NHS: variants seen among roughly 807,000 people sequenced by gnomAD.
NHS encodes NHS actin remodeling regulator.
In NHS, 5 loss-of-function variants were observed where a neutral mutation model predicts 72.5. That is an observed-to-expected ratio of 0.07 (90% CI 0.04 to 0.14). NHS has a LOEUF of 0.14. Among genes scored for constraint, NHS ranks in the 10% least tolerant of loss-of-function variants. NHS has a pLI of 1.00. For missense variants in NHS, 1,072 were observed against 1,355.7 expected, an observed-to-expected ratio of 0.79 and a Z score of 3.29; for synonymous variants, 464 against 547.7, an observed-to-expected ratio of 0.85 and a Z score of 2.13.
rs147821287 is a variant in NHS, at chrX:17,401,124, A to G, written c.565+24802A>G. Among the ~76,000 whole-genome samples, 762 of 112,162 alleles carry G rather than the reference A, an allele frequency of 6.8e-3. 2 individuals are homozygous for G. The highest frequency in any genetic ancestry group is 0.014 in the Middle Eastern group (3 of 218). ...GTTGATTATCGATAAGGGTGCCAAGACAATTCAATGGGGGGAAACAATAGT... is the reference window on the plus strand; with the variant it reads ...GTTGATTATCGATAAGGGTGCCAAGGCAATTCAATGGGGGGAAACAATAGT... On this transcript the variant is annotated intron_variant, in intron 1 of 8. Coordinates refer to ENST00000676302, the MANE Select transcript of NHS (RefSeq NM_001291867.2).
chrX:17,537,744 T>C (rs1444699419), intron 1 of NHS, among the ~76,000 whole-genome samples: 1 of 111,819 alleles, frequency 8.9e-6, no homozygotes, highest in Non-Finnish European at 1.9e-5. Flanking sequence ...GAGTGGGGAC[T>C]GTCCTGCTCA....
chrX:17,663,391 C>G (rs145922833), intron 1 of NHS, among the ~76,000 whole-genome samples: 2 of 111,732 alleles, frequency 1.8e-5, no homozygotes, highest in African/African-American at 6.5e-5. Context: ...TTTCCAGTCT[C>G]TCTCCCACAC....
chrX:17,651,145 G>A (rs1408748219), intron 1 of NHS, among the ~76,000 whole-genome samples: 1 of 112,323 alleles, frequency 8.9e-6, no homozygotes, highest in Non-Finnish European at 1.9e-5. Flanking sequence ...GGCTCTTGCT[G>A]GAGAATTGGT....
chrX:17,667,175 AATATTT>A (rs2066018041), intron 1 of NHS, among the ~76,000 whole-genome samples: 1 of 112,581 alleles, frequency 8.9e-6, no homozygotes, highest in African/African-American at 3.2e-5. Flanking sequence ...TTCAGGCTTT[AATATTT>A]ATAATCTCGT....
chrX:17,414,131 C>T (rs903818700), intron 1 of NHS, among the ~76,000 whole-genome samples: 3 of 112,425 alleles, frequency 2.7e-5, no homozygotes, highest in Non-Finnish European at 5.6e-5. Context: ...GTCAAATTTC[C>T]AGGAGGACTG....
At chrX:17,398,254 A>G (rs759553992) in intron 1 of NHS, among the ~76,000 whole-genome samples, 1 of 111,992 alleles carries the variant, frequency 8.9e-6, no homozygotes, top group African/African-American at 3.2e-5. Context: ...TCTATTTCAT[A>G]TATTGAGGTT....
At chrX:17,443,001 T>C (rs913195964) in intron 1 of NHS, among the ~76,000 whole-genome samples, 33 of 111,781 alleles carry the variant, frequency 3.0e-4, no homozygotes, top group African/African-American at 1.0e-3. Context: ...ATGTCTCAGA[T>C]GTACCATAGG....
chrX:17,615,125 T>C (rs1410825143), intron 1 of NHS, among the ~76,000 whole-genome samples: 1 of 97,190 alleles, frequency 1.0e-5, no homozygotes, highest in Non-Finnish European at 2.0e-5. Flanking sequence ...TATACACACA[T>C]ATACATATGT....
In NHS at chrX:17,656,499, G is replaced by C. The variant is rs916746775; in HGVS notation, c.566-31243G>C. 7.1e-5 allele frequency among the ~76,000 whole-genome samples: 8 copies of C among 112,581 alleles called. No individual in the cohort carries two copies. The Admixed American group carries it at 7.4e-4, about 10-fold the overall frequency. On this transcript the variant is annotated intron_variant, in intron 1 of 8. Coordinates refer to ENST00000676302, the MANE Select transcript of NHS (RefSeq NM_001291867.2). ...CTCGAGGCCAGCCGCGCGCTAGCCC[G>C]AGAGGAGATCCCCCTTGGTCGAGAT...
At chrX:17,657,301 G>A (rs956906339) in intron 1 of NHS, among the ~76,000 whole-genome samples, 2 of 113,236 alleles carry the variant, frequency 1.8e-5, no homozygotes, top group Non-Finnish European at 3.7e-5. Context: ...CCATACTGTG[G>A]TATGCTCTGG....
chrX:17,642,008 C>T (rs2065883623), intron 1 of NHS, among the ~76,000 whole-genome samples: 1 of 111,375 alleles, frequency 9.0e-6, no homozygotes, highest in Non-Finnish European at 1.9e-5. Flanking sequence ...TGCAATGGCA[C>T]AATATCGGCT....
At chrX:17,494,076 CTTTTTT>C (rs749475125) in intron 1 of NHS, among the ~76,000 whole-genome samples, 2 of 73,315 alleles carry the variant, frequency 2.7e-5, no homozygotes, top group Non-Finnish European at 5.0e-5. Flanking sequence ...TCCTGGATGA[CTTTTTT>C]TTTTTTTTTT....
At chrX:17,538,226 C>T (rs913218234) in intron 1 of NHS, among the ~76,000 whole-genome samples, 2 of 112,007 alleles carry the variant, frequency 1.8e-5, no homozygotes, top group African/African-American at 3.2e-5. Context: ...TTTTCAGGTG[C>T]GGGAGCTGAG....
chrX:17,643,738 G>A (rs1418901015), intron 1 of NHS, among the ~76,000 whole-genome samples: 1 of 112,165 alleles, frequency 8.9e-6, no homozygotes, highest in Non-Finnish European at 1.9e-5. Context: ...ACTAAGCATT[G>A]TTTATCAATG....
chrX:17,687,512 G>A lies in NHS; in HGVS notation c.566-230G>A, dbSNP rs182673124. 8.6e-5 allele frequency: 39 copies of A among 452,412 alleles called. 1 individual carries two copies. The East Asian group carries it at 1.3e-3, about 15-fold the overall frequency. 37.3% of individuals were successfully genotyped at this position (452,412 alleles called of 1,213,427 possible). On this transcript the variant is annotated intron_variant, in intron 1 of 8. Transcript: ENST00000676302. ...GGAAATTAGCTAGTCATAGGTAGAC[G>A]GTTGGTGTCTTGGAGCCTCCCGTGC... is the stretch of plus-strand genomic sequence containing the variant.
At chrX:17,526,883 C>T (rs2065176001) in intron 1 of NHS, among the ~76,000 whole-genome samples, 1 of 112,563 alleles carries the variant, frequency 8.9e-6, no homozygotes, top group Non-Finnish European at 1.9e-5. Context: ...ATGCATATGT[C>T]ACTTGAGGTC....
intron 1 of NHS, among the ~76,000 whole-genome samples, chrX:17,463,095 C>T (rs2064855295): frequency 8.9e-6 from 1 of 112,181 alleles, no homozygotes; most frequent in Non-Finnish European, 1.9e-5. Flanking sequence ...ATGCAATGCT[C>T]CCATGCTCAC....
intron 1 of NHS, among the ~76,000 whole-genome samples, chrX:17,448,039 G>T: frequency 9.0e-6 from 1 of 111,477 alleles, no homozygotes; most frequent in Non-Finnish European, 1.9e-5. Flanking sequence ...CTGTAAGATT[G>T]GGTTTTGAGT....
At chrX:17,531,097 C>T (rs1246737756) in intron 1 of NHS, among the ~76,000 whole-genome samples, 6 of 111,888 alleles carry the variant, frequency 5.4e-5, no homozygotes, top group Non-Finnish European at 9.4e-5. Flanking sequence ...TGGAAACCCT[C>T]GCACCAGCCA....
Sources: allele counts gnomAD v4.1 joint callset (sites outside exome capture counted in the v4.1 genomes callset), GRCh38; gene constraint gnomAD v4.1.1; transcripts MANE v1.5; gene names NCBI Gene and HGNC (gene_info 2026-07-23, HGNC 2026-07-21).